The following INTS6 variants were observed in gnomAD, a reference collection of about 807,000 sequenced individuals.
INTS6 encodes DEAD box protein.
A neutral mutation model predicts 104.9 loss-of-function variants in INTS6; 16 were observed. The ratio of observed to expected loss-of-function variants is 0.15; its 90% CI spans 0.10 to 0.23. INTS6 has a LOEUF of 0.23. INTS6 is among the 10% of genes least tolerant of loss of function. INTS6 has a pLI of 1.00. For missense variants in INTS6, 584 were observed against 1,062.8 expected, an observed-to-expected ratio of 0.55 and a Z score of 6.26; for synonymous variants, 324 against 358.7, an observed-to-expected ratio of 0.90 and a Z score of 1.09.
intron 4 of INTS6, among the ~76,000 whole-genome samples, chr13:51,425,819 G>T (rs1280691485): frequency 6.6e-6 from 1 of 152,026 alleles, no homozygotes; most frequent in Non-Finnish European, 1.5e-5. Context: ...ACAGTACTGA[G>T]TATCTGGACA....
Position 51,390,838 on chromosome 13 carries a change from C to T in INTS6, c.614-1394G>A, listed in dbSNP as rs545498435. ...AATTACTGAGTATCTACGTGCCTGG[C>T]ACTGTTCCAATCATTTTATGATTAT... On this transcript the variant is annotated intron_variant, in intron 5 of 17. Transcript: ENST00000311234. 9.9e-5 allele frequency among the ~76,000 whole-genome samples: 15 copies of T among 152,112 alleles called. No individual in the cohort carries two copies. The South Asian group carries it at 2.9e-3, about 29-fold the overall frequency.
chr13:51,427,628 A>C, intron 4 of INTS6, among the ~76,000 whole-genome samples: 1 of 152,262 alleles, frequency 6.6e-6, no homozygotes, highest in East Asian at 1.9e-4. Context: ...CCTAACCTTG[A>C]AACAACTCAC....
chr13:51,348,167 C>T, the INTS6 span: 1 of 1,452,150 alleles, frequency 6.9e-7, no homozygotes. Flanking sequence ...GGTTCATTCT[C>T]CTGGCTCCTG....
downstream of INTS6, among the ~76,000 whole-genome samples, chr13:51,357,149 G>A (rs983949982): frequency 6.6e-6 from 1 of 151,990 alleles, no homozygotes; most frequent in Non-Finnish European, 1.5e-5. Flanking sequence ...TTTAATATCC[G>A]GCCCTTTATA....
intron 4 of INTS6, among the ~76,000 whole-genome samples, chr13:51,415,039 C>G (rs1956761727): frequency 6.6e-6 from 1 of 151,892 alleles, no homozygotes; most frequent in African/African-American, 2.4e-5. Flanking sequence ...AACAGATCTG[C>G]CTATCCTAGA....
chr13:51,403,774 AAGG>A (rs1956495660), intron 4 of INTS6, among the ~76,000 whole-genome samples: 3 of 152,068 alleles, frequency 2.0e-5, no homozygotes, highest in Non-Finnish European at 4.4e-5. Flanking sequence ...GGAAAAGGGA[AAGG>A]AGAAGGATCT....
intron 4 of INTS6, among the ~76,000 whole-genome samples, chr13:51,405,257 G>T (rs940623454): frequency 6.6e-6 from 1 of 151,986 alleles, no homozygotes; most frequent in Non-Finnish European, 1.5e-5. Flanking sequence ...AGGAGAGAAA[G>T]ATTTTTAAGA....
At chr13:51,341,457 C>G in the INTS6 span, 16 of 1,075,964 alleles carry the variant, frequency 1.5e-5, 1 homozygote, top group South Asian at 2.5e-4. Context: ...GCTTACCCTG[C>G]TGCTCATACT....
chr13:51,423,423 C>T (rs556922332), intron 4 of INTS6, among the ~76,000 whole-genome samples: 1 of 151,950 alleles, frequency 6.6e-6, no homozygotes, highest in South Asian at 2.1e-4. Flanking sequence ...AATACTATAC[C>T]ATCCTTTGGA....
At chr13:51,425,853 G>A (rs1357754991) in intron 4 of INTS6, among the ~76,000 whole-genome samples, 4 of 151,774 alleles carry the variant, frequency 2.6e-5, no homozygotes, top group South Asian at 4.1e-4. Flanking sequence ...CAACATCAAC[G>A]GTAACTACTA....
chr13:51,404,097 CACACACAGAG>C, intron 4 of INTS6, among the ~76,000 whole-genome samples: 1 of 134,938 alleles, frequency 7.4e-6, no homozygotes, highest in East Asian at 2.3e-4. Flanking sequence ...CACACACACA[CACACACAGAG>C]AGAGAGAGAG....
intron 15 of INTS6, among the ~76,000 whole-genome samples, chr13:51,370,416 A>G (rs1399184998): frequency 1.3e-5 from 2 of 152,180 alleles, no homozygotes; most frequent in African/African-American, 4.8e-5. Context: ...CCAGGGTACA[A>G]GCCTGTAAGC....
In INTS6 at chr13:51,374,339, C is replaced by A; in HGVS notation, c.1973G>T (p.Arg658Leu). 1.9e-6 allele frequency: 3 copies of A among 1,614,018 alleles called. No individual in the cohort carries two copies. The highest frequency in any genetic ancestry group is 2.5e-6 in the Non-Finnish European group (3 of 1,179,954). The change falls in exon 15 of 18, where the codon CGG (arginine) becomes CTG (leucine). Residue 658 changes from arginine to leucine, a missense_variant. Physicochemically the swap from Arg to Leu is moderately radical, Grantham distance 102. Transcript: ENST00000311234. ...PNMQGIPKRR[R>L]CMSPLLRGRQ... is the part of the protein sequence containing the mutation. ...GCCTCTTAGTAGTGGAGACATACACCGACGTCTTTTAGGGATCCCTTGCAT... is the reference window on the plus strand; with the variant it reads ...GCCTCTTAGTAGTGGAGACATACACAGACGTCTTTTAGGGATCCCTTGCAT...
intron 6 of INTS6, among the ~76,000 whole-genome samples, chr13:51,387,850 C>G (rs1045157072): frequency 6.6e-6 from 1 of 152,156 alleles, no homozygotes; most frequent in African/African-American, 2.4e-5. Flanking sequence ...TGATGAATGG[C>G]ATGTTTTCTT....
intron 4 of INTS6, among the ~76,000 whole-genome samples, chr13:51,397,524 T>C (rs556519742): frequency 1.3e-5 from 2 of 152,282 alleles, no homozygotes; most frequent in South Asian, 4.1e-4. Flanking sequence ...TCTGTGACAA[T>C]TGTAAACAGC....
the INTS6 span, chr13:51,341,202 C>T: frequency 1.9e-6 from 3 of 1,613,948 alleles, no homozygotes; most frequent in African/African-American, 4.0e-5. Flanking sequence ...CACTTCACCT[C>T]TACCAGAGTG....
intron 3 of INTS6, chr13:51,442,735 GCTC>G (rs1952821513): frequency 6.6e-6 from 1 of 152,156 alleles, no homozygotes; most frequent in Non-Finnish European, 1.5e-5. Context: ...TAGGTTATGC[GCTC>G]CTATGAGACT....
intron 3 of INTS6, chr13:51,448,149 C>G (rs1388853427): frequency 6.6e-6 from 1 of 152,110 alleles, no homozygotes; most frequent in African/African-American, 2.4e-5. Flanking sequence ...TTAATCAGAC[C>G]TCTCACATTT....
At position 51,443,119 on chromosome 13, in the gene INTS6, T is replaced by C. The variant is rs530830130; in HGVS notation, c.339+7906A>G. 27 of 152,292 alleles carry C rather than the reference T, an allele frequency of 1.8e-4. No homozygotes were observed. The East Asian group carries it at 5.0e-3, about 28-fold the overall frequency. 9.4% of individuals were successfully genotyped at this position (152,292 alleles called of 1,614,324 possible). ...TTAAATAAAATGTTATTAAATAATA[T>C]ACAAATCCTTAATAAAATCTCCATA... On this transcript the variant is annotated intron_variant, in intron 3 of 17. Transcript: ENST00000311234.
Sources: gnomAD v4.1 joint callset for allele counts (sites outside exome capture counted in the v4.1 genomes callset) on GRCh38, gnomAD v4.1.1 for gene constraint, MANE v1.5 for transcripts, NCBI Gene and HGNC (gene_info 2026-07-23, HGNC 2026-07-21) for gene names.